HOXB2: variants seen among roughly 807,000 people sequenced by gnomAD.
HOXB2 encodes homeobox B2.
In HOXB2, 14 loss-of-function variants were observed where a neutral mutation model predicts 13.1. The observed-to-expected ratio is 1.07, with a 90% CI of 0.71 to 1.67. The LOEUF (loss-of-function observed/expected upper bound fraction) is 1.67. Ranked by LOEUF, HOXB2 falls within the 40% of genes most tolerant of loss-of-function variation. The pLI, the probability that HOXB2 is intolerant of heterozygous loss-of-function variation, is 0.00. For synonymous variants in HOXB2, 261 were observed against 233.1 expected, an observed-to-expected ratio of 1.12 and a Z score of -1.09; for missense variants, 582 against 488.3, an observed-to-expected ratio of 1.19 and a Z score of -1.81.
chr17:48,543,163 G>A lies in HOXB2; in HGVS notation c.976C>T (p.Leu326=), dbSNP rs200503077. Residue 326 remains leucine, a synonymous_variant, in exon 2 of 2, where the codon CTA becomes TTA. Transcript: ENST00000330070. ...ACCGGGCTGTCGAGAGAACCCTGTA[G>A]GCTAGGGGAGAGGCCTCCGGATAGC... The part of the protein sequence containing the change: ...LQLSGGLSPS[L]QGSLDSPVPF... 1 of 1,613,916 alleles carries A rather than the reference G, an allele frequency of 6.2e-7. No individual in the cohort carries two copies. Among genetic ancestry groups the A allele is most frequent in the Non-Finnish European group, 8.5e-7 (1 of 1,179,976 alleles).
intron 1 of HOXB2, 42 bp from the exon 2 acceptor site, chr17:48,543,789 T>A: frequency 1.3e-6 from 2 of 1,544,810 alleles, no homozygotes; most frequent in East Asian, 2.3e-5. Flanking sequence ...GGCCGTGTAC[T>A]CAGCCCAACC....
Position 48,542,952 on chromosome 17 carries a change from T to G in HOXB2, c.*116A>C. 1 of 696,686 alleles carries G rather than the reference T, an allele frequency of 1.4e-6. No individual in the cohort carries two copies. Among genetic ancestry groups the G allele is most frequent in the Non-Finnish European group, 2.3e-6 (1 of 432,764 alleles). The allele number at this position is 696,686 out of a possible 1,614,324, so 43.2% of individuals were successfully genotyped here. On this transcript the variant is annotated 3_prime_UTR_variant, in exon 2 of 2. Coordinates refer to ENST00000330070, the MANE Select transcript of HOXB2 (RefSeq NM_002145.4). Reference sequence around the variant, plus strand: ...AGTGGATTAAACGCTAATTCAGTAATACCTGAATTTTAGCAAAACACATAA... The same window carrying G: ...AGTGGATTAAACGCTAATTCAGTAAGACCTGAATTTTAGCAAAACACATAA...
Position 48,543,260 on chromosome 17 carries a change from G to T in HOXB2, c.879C>A (p.Asp293Glu), listed in dbSNP as rs763009865. ...GTGAATCCTGGCGCCCCGAGAAGAC[G>T]TCTTCTGGCAATGGCCCGGGCTCCA... is the stretch of plus-strand genomic sequence containing the variant. ...GGLEPGPLPE[D>E]VFSGRQDSPF... The change falls in exon 2 of 2, where the codon GAC (aspartate) becomes GAA (glutamate). Residue 293 changes from aspartate to glutamate, a missense_variant. Asp to Glu is a conservative substitution (Grantham distance 45, BLOSUM62 2). Transcript: ENST00000330070. 1 of 1,609,448 alleles carries T rather than the reference G, an allele frequency of 6.2e-7. No homozygotes were observed. The highest frequency in any genetic ancestry group is 8.5e-7 in the Non-Finnish European group (1 of 1,179,814).
Position 48,544,598 on chromosome 17 carries a change from T to G in HOXB2, c.314A>C (p.Lys105Thr). The part of the protein sequence containing the change: ...FPWMKEKKSA[K>T]KPSQSATSPS... Reference sequence around the variant, plus strand: ...AGACGTGGCGGATTGGCTGGGTTTCTTGGCGGATTTCTTCTCTTTCATCCA... The same window carrying G: ...AGACGTGGCGGATTGGCTGGGTTTCGTGGCGGATTTCTTCTCTTTCATCCA... The change falls in exon 1 of 2, where the codon AAG (lysine) becomes ACG (threonine). Residue 105 changes from lysine to threonine, a missense_variant. Transcript: ENST00000330070. 2 of 1,609,492 alleles carry G rather than the reference T, an allele frequency of 1.2e-6. No homozygotes were observed. Among genetic ancestry groups the G allele is most frequent in the Non-Finnish European group, 1.7e-6 (2 of 1,179,960 alleles).
At position 48,543,393 on chromosome 17, in the gene HOXB2, G is replaced by A. The variant is rs746984949; in HGVS notation, c.746C>T (p.Pro249Leu). 5.0e-6 allele frequency: 8 copies of A among 1,584,534 alleles called. No individual in the cohort carries two copies. Among genetic ancestry groups the A allele is most frequent in the Non-Finnish European group, 6.0e-6 (7 of 1,168,780 alleles). Residue 249 changes from proline (P) to leucine (L), a missense_variant, in exon 2 of 2, where the codon CCG becomes CTG. By Grantham distance (98) the Pro-to-Leu change is moderately conservative. Transcript: ENST00000330070. ...RAAWEACCHPPEVVPGALSAD... is the reference protein window; with the variant it reads ...RAAWEACCHPLEVVPGALSAD... ...GCTTAAGGCCCCCGGCACCACCTCC[G>A]GCGGGTGACAGCAGGCTTCCCACGC...
rs2068527700 is a variant in HOXB2 at position 48,543,543 on chromosome 17, T to C, written c.596A>G (p.Lys199Arg). Residue 199 changes from lysine (K) to arginine (R), a missense_variant, in exon 2 of 2, where the codon AAG becomes AGG. Coordinates refer to ENST00000330070, the MANE Select transcript of HOXB2 (RefSeq NM_002145.4). ...CGGCTCTCGGTGCTGCGTCTGCCGC[T>C]TGTGCTTCATGCGCCGGTTCTGAAA... ...VWFQNRRMKHKRQTQHREPPD... is the reference protein window; with the variant it reads ...VWFQNRRMKHRRQTQHREPPD... The C allele has an allele frequency of 5.6e-6, 9 of 1,612,838 alleles. No homozygotes were observed. The highest frequency in any genetic ancestry group is 6.8e-6 in the Non-Finnish European group (8 of 1,179,956).
chr17:48,544,948 G>GGGGGGGGGGGGGGGGGGGCC lies in HOXB2; in HGVS notation c.-38_-37insGGCCCCCCCCCCCCCCCCCC. 1 of 1,051,210 alleles carries GGGGGGGGGGGGGGGGGGGCC rather than the reference G, an allele frequency of 9.5e-7. No individual in the cohort carries two copies. 65.1% of individuals were successfully genotyped at this position (1,051,210 alleles called of 1,614,324 possible). A position where few individuals can be genotyped will look rare whatever the true frequency, so the allele number is the denominator to read the frequency against. On this transcript the variant is annotated 5_prime_UTR_variant, in exon 1 of 2. Transcript: ENST00000330070. ...GTGGGGGAGGGGGCTGCTGGGGGGGGCGTCAGGAGGGAGGATCGGAAGGGA... is the reference window on the plus strand; with the variant it reads ...GTGGGGGAGGGGGCTGCTGGGGGGGGGGGGGGGGGGGGGGGGGGCCCGTCAGGAGGGAGGATCGGAAGGGA...
chr17:48,544,950 G>A lies in HOXB2; in HGVS notation c.-39C>T. On this transcript the variant is annotated 5_prime_UTR_variant, in exon 1 of 2. In the 5' UTR this introduces an upstream ATG that the reference lacks. Transcript: ENST00000330070. Reference sequence around the variant, plus strand: ...GGGGGAGGGGGCTGCTGGGGGGGGCGTCAGGAGGGAGGATCGGAAGGGACC... The same window carrying A: ...GGGGGAGGGGGCTGCTGGGGGGGGCATCAGGAGGGAGGATCGGAAGGGACC... 5 of 1,359,680 alleles carry A rather than the reference G, an allele frequency of 3.7e-6. No homozygotes were observed. The highest frequency in any genetic ancestry group is 4.9e-6 in the Non-Finnish European group (5 of 1,020,156). 84.2% of individuals were successfully genotyped at this position (1,359,680 alleles called of 1,614,324 possible).
chr17:48,543,467 A>C lies in HOXB2; in HGVS notation c.672T>G (p.Pro224=). 1.2e-6 allele frequency: 2 copies of C among 1,609,314 alleles called. No homozygotes were observed. Among genetic ancestry groups the C allele is most frequent in the South Asian group, 2.2e-5 (2 of 90,934 alleles). Reference sequence around the variant, plus strand: ...CCGGGCTGGCCGCGGGTTCCTCGGCAGGGTCGCAGATGTCCTCCAGGGCTC... The same window carrying C: ...CCGGGCTGGCCGCGGGTTCCTCGGCCGGGTCGCAGATGTCCTCCAGGGCTC... ...CPGALEDICD[P]AEEPAASPGG... The change falls in exon 2 of 2, where the codon CCT becomes CCG. Residue 224 remains proline (P), a synonymous_variant. Transcript: ENST00000330070.
Position 48,545,041 on chromosome 17 carries a change from C to CT in HOXB2, c.-131dup, listed in dbSNP as rs901811939. ...TTGGGAGGGGGAGATTTCGGTCTCT[C>CT]TTTTTTTTAATTTTGGGCCTTTATA... On this transcript the variant is annotated 5_prime_UTR_variant, in exon 1 of 2. Transcript: ENST00000330070. 5.9e-5 allele frequency: 45 copies of CT among 758,450 alleles called. No homozygotes were observed. Among genetic ancestry groups the CT allele is most frequent in the South Asian group, 1.2e-4 (6 of 48,944 alleles). 47.0% of individuals were successfully genotyped at this position (758,450 alleles called of 1,614,324 possible). A position where few individuals can be genotyped will look rare whatever the true frequency, so the allele number is the denominator to read the frequency against.
Position 48,543,585 on chromosome 17 carries a change from C to CGCA in HOXB2, c.553_554insTGC (p.Glu184_Arg185insMet), listed in dbSNP as rs2068528625. The CGCA allele has an allele frequency of 6.2e-7, 1 of 1,613,416 alleles. No individual in the cohort carries two copies. Among genetic ancestry groups the CGCA allele is most frequent in the South Asian group, 1.1e-5 (1 of 91,078 alleles). Reference sequence around the variant, plus strand: ...GTTCTGAAACCAGACTTTGACCTGCCTTTCGGTGAGGTCCAGCAAGGCCGC... The same window carrying CGCA: ...GTTCTGAAACCAGACTTTGACCTGCCGCATTTCGGTGAGGTCCAGCAAGGCCGC... On this transcript the variant is annotated inframe_insertion, in exon 2 of 2. Transcript: ENST00000330070.
At position 48,544,836 on chromosome 17, in the gene HOXB2, G is replaced by A. The variant is rs748126514; in HGVS notation, c.76C>T (p.Pro26Ser). ...GTTTGAAATGTCTCCAAGACAGCGG[G>A]GAAGGAAGTCAGACACTCGGCGAGC... ...PSLAECLTSF[P>S]AVLETFQTSS... is the part of the protein sequence containing the mutation. Residue 26 changes from proline to serine, a missense_variant, in exon 1 of 2, where the codon CCC becomes TCC. Coordinates refer to ENST00000330070, the MANE Select transcript of HOXB2 (RefSeq NM_002145.4). The A allele has an allele frequency of 1.2e-6, 2 of 1,613,860 alleles. No individual in the cohort carries two copies. The highest frequency in any genetic ancestry group is 1.1e-5 in the South Asian group (1 of 91,060).
Position 48,543,256 on chromosome 17 carries a change from A to G in HOXB2, c.883T>C (p.Phe295Leu), listed in dbSNP as rs1164106238. Residue 295 changes from phenylalanine (F) to leucine (L), a missense_variant, in exon 2 of 2, where the codon TTC (phenylalanine) becomes CTC (leucine). Phe to Leu is a conservative substitution (Grantham distance 22). Transcript: ENST00000330070. ...LEPGPLPEDV[F>L]SGRQDSPFLP... ...AAAGGTGAATCCTGGCGCCCCGAGA[A>G]GACGTCTTCTGGCAATGGCCCGGGC... The G allele has an allele frequency of 6.2e-7, 1 of 1,610,282 alleles. No individual in the cohort carries two copies. Among genetic ancestry groups the G allele is most frequent in the Non-Finnish European group, 8.5e-7 (1 of 1,179,854 alleles).
In HOXB2 at chr17:48,543,335, C is replaced by T; in HGVS notation, c.804G>A (p.Glu268=). The T allele has an allele frequency of 6.3e-7, 1 of 1,599,410 alleles. No homozygotes were observed. Among genetic ancestry groups the T allele is most frequent in the Non-Finnish European group, 8.5e-7 (1 of 1,176,778 alleles). The change falls in exon 2 of 2, where the codon GAG becomes GAA. Residue 268 remains glutamate, a synonymous_variant. Coordinates refer to ENST00000330070, the MANE Select transcript of HOXB2 (RefSeq NM_002145.4). The part of the protein sequence containing the change: ...ADPRPLAVRL[E]GAGASSPGCA... ...AGCCGGGACTCGACGCGCCTGCGCC[C>T]TCTAAGCGAACGGCTAAAGGCCGGG...
Position 48,544,889 on chromosome 17 carries a change from T to G in HOXB2, c.23A>C (p.Glu8Ala). Residue 8 changes from glutamate to alanine, a missense_variant, in exon 1 of 2, where the codon GAG becomes GCG. By Grantham distance (107) the Glu-to-Ala change is moderately radical. Transcript: ENST00000330070. ...CGGCTGGCTGTTTATAAACCCAATC[T>G]CCCTCTCAAATTCAAAATTCATGGC... The part of the protein sequence containing the change: MNFEFER[E>A]IGFINSQPSL... 7.5e-7 allele frequency: 1 copy of G among 1,326,678 alleles called. No individual in the cohort carries two copies. Among genetic ancestry groups the G allele is most frequent in the Non-Finnish European group, 1.0e-6 (1 of 1,000,564 alleles). The allele number at this position is 1,326,678 out of a possible 1,614,324, so 82.2% of individuals were successfully genotyped here. A position where few individuals can be genotyped will look rare whatever the true frequency, so the allele number is the denominator to read the frequency against.
In HOXB2 at chr17:48,543,245, G is replaced by C. The variant is rs754516926; in HGVS notation, c.894C>G (p.Arg298=). The change falls in exon 2 of 2, where the codon CGC becomes CGG. Residue 298 remains arginine, a synonymous_variant. Transcript: ENST00000330070. ...GPLPEDVFSG[R]QDSPFLPDLN... ...GGTCGGGAAGGAAAGGTGAATCCTG[G>C]CGCCCCGAGAAGACGTCTTCTGGCA... The C allele has an allele frequency of 6.2e-7, 1 of 1,611,852 alleles. No homozygotes were observed. Among genetic ancestry groups the C allele is most frequent in the Non-Finnish European group, 8.5e-7 (1 of 1,179,978 alleles).
rs1195705496 is a variant in HOXB2, at chr17:48,544,716, G to A, written c.196C>T (p.Pro66Ser). ...LQPGASTLQR[P>S]RSQKRAEDGP... ...TCTTCGGCTCGCTTTTGGCTCCTGGGTCTCTGAAGGGTGGAGGCGCCGGGC... is the reference window on the plus strand; with the variant it reads ...TCTTCGGCTCGCTTTTGGCTCCTGGATCTCTGAAGGGTGGAGGCGCCGGGC... Residue 66 changes from proline (P) to serine (S), a missense_variant, in exon 1 of 2, where the codon CCC (proline) becomes TCC (serine). By Grantham distance (74) the Pro-to-Ser change is moderately conservative. Transcript: ENST00000330070. 2 of 1,614,008 alleles carry A rather than the reference G, an allele frequency of 1.2e-6. No homozygotes were observed. The highest frequency in any genetic ancestry group is 2.2e-5 in the East Asian group (1 of 44,882).
rs892898547 is a variant in HOXB2, at chr17:48,543,216, T to C, written c.923A>G (p.Asn308Ser). 2 of 1,612,352 alleles carry C rather than the reference T, an allele frequency of 1.2e-6. No individual in the cohort carries two copies. The highest frequency in any genetic ancestry group is 2.2e-5 in the East Asian group (1 of 44,816). The change falls in exon 2 of 2, where the codon AAC becomes AGC. Residue 308 changes from asparagine to serine, a missense_variant. By Grantham distance (46) the Asn-to-Ser change is conservative. Transcript: ENST00000330070. ...GAGACAGGAGTCGGCCGCGAAGAAG[T>C]TGAGGTCGGGAAGGAAAGGTGAATC... The part of the protein sequence containing the change: ...RQDSPFLPDL[N>S]FFAADSCLQL...
chr17:48,545,037 C>A lies in HOXB2; in HGVS notation c.-126G>T, dbSNP rs2068557201. 7.5e-6 allele frequency: 6 copies of A among 803,294 alleles called. No homozygotes were observed. The East Asian group carries it at 1.1e-4, about 15-fold the overall frequency. 49.8% of individuals were successfully genotyped at this position (803,294 alleles called of 1,614,324 possible). A position where few individuals can be genotyped will look rare whatever the true frequency, so the allele number is the denominator to read the frequency against. On this transcript the variant is annotated 5_prime_UTR_variant, in exon 1 of 2. Coordinates refer to ENST00000330070, the MANE Select transcript of HOXB2 (RefSeq NM_002145.4). ...GATTTTGGGAGGGGGAGATTTCGGTCTCTCTTTTTTTTAATTTTGGGCCTT... is the reference window on the plus strand; with the variant it reads ...GATTTTGGGAGGGGGAGATTTCGGTATCTCTTTTTTTTAATTTTGGGCCTT...
Sources: gnomAD v4.1 joint callset for allele counts on GRCh38, gnomAD v4.1.1 for gene constraint, MANE v1.5 for transcripts, NCBI Gene and HGNC (gene_info 2026-07-23, HGNC 2026-07-21) for gene names.